DLGAP1: variants seen among roughly 807,000 people sequenced by gnomAD.
DLGAP1 encodes disks large-associated protein 1.
Under a neutral mutation model 90.8 loss-of-function variants are expected in DLGAP1, and 11 were observed. The ratio of observed to expected loss-of-function variants is 0.12; its 90% confidence interval spans 0.08 to 0.20. The LOEUF (loss-of-function observed/expected upper bound fraction) is 0.20. Among genes scored for constraint, DLGAP1 ranks in the 10% least tolerant of loss-of-function variants. The pLI, the probability that DLGAP1 is intolerant of heterozygous loss-of-function variation, is 1.00. For missense variants in DLGAP1, 1,050 were observed against 1,333.8 expected, an observed-to-expected ratio of 0.79 and a Z score of 3.31; for synonymous variants, 558 against 540.7, an observed-to-expected ratio of 1.03 and a Z score of -0.44.
intron 2 of DLGAP1, among the ~76,000 whole-genome samples, chr18:4,047,983 G>A (rs2075079659): frequency 6.6e-6 from 1 of 151,944 alleles, no homozygotes; most frequent in African/African-American, 2.4e-5. Flanking sequence ...ATTTTTTGTA[G>A]AGACGGGGTC....
intron 7 of DLGAP1, among the ~76,000 whole-genome samples, chr18:3,651,171 C>T (rs528976421): frequency 4.6e-5 from 7 of 151,638 alleles, no homozygotes; most frequent in African/African-American, 1.7e-4. Context: ...CCATCCTGGC[C>T]AACATGGTGA....
chr18:4,029,726 C>T (rs1463913592), intron 2 of DLGAP1, among the ~76,000 whole-genome samples: 1 of 152,162 alleles, frequency 6.6e-6, no homozygotes, highest in African/African-American at 2.4e-5. Flanking sequence ...ATATTGAATT[C>T]TTGGTCCTTG....
rs543711403 is a variant in DLGAP1, at chr18:3,646,358, G to A, written c.1592-64110C>T. The stretch of plus-strand genomic sequence containing the variant: ...CAGTGAGCTGAGATTGTATCACTGC[G>A]CTCTAGCCTGGGCAAGATCCTGTTT... On this transcript the variant is annotated intron_variant, in intron 7 of 12. Coordinates refer to ENST00000315677, the MANE Select transcript of DLGAP1 (RefSeq NM_004746.4). Among the ~76,000 whole-genome samples the A allele has an allele frequency of 6.6e-5, 10 of 152,066 alleles. No homozygotes were observed. In the South Asian group the frequency reaches 8.3e-4, roughly 13 times the overall value.
intron 7 of DLGAP1, among the ~76,000 whole-genome samples, chr18:3,601,985 G>A (rs962169108): frequency 2.0e-5 from 3 of 151,940 alleles, no homozygotes; most frequent in Non-Finnish European, 4.4e-5. Context: ...CTCCAGCCTG[G>A]GCTACAGTGC....
At chr18:4,219,027 G>GTTTTTTTTTTTT (rs34333673) in intron 1 of DLGAP1, among the ~76,000 whole-genome samples, 11 of 92,002 alleles carry the variant, frequency 1.2e-4, no homozygotes, top group Non-Finnish European at 1.7e-4. Context: ...TTCTATCTTT[G>GTTTTTTTTTTTT]TTTTTTTTTT....
chr18:3,503,119 G>A (rs908319465), intron 11 of DLGAP1, among the ~76,000 whole-genome samples: 1 of 152,104 alleles, frequency 6.6e-6, no homozygotes, highest in African/African-American at 2.4e-5. Context: ...AAACACAAAT[G>A]ATTAGTAATA....
intron 3 of DLGAP1, among the ~76,000 whole-genome samples, chr18:3,984,983 T>A (rs2149038074): frequency 6.6e-6 from 1 of 152,330 alleles, no homozygotes; most frequent in African/African-American, 2.4e-5. Flanking sequence ...AGCTATGTCT[T>A]ATTTCCACCC....
intron 1 of DLGAP1, among the ~76,000 whole-genome samples, chr18:4,170,346 G>A (rs1331128885): frequency 2.6e-5 from 4 of 152,132 alleles, no homozygotes; most frequent in Non-Finnish European, 5.9e-5. Context: ...AAGCTCAAGT[G>A]TTAGGTCGGA....
rs1599054045 is a variant in DLGAP1 at position 3,524,253 on chromosome 18, T to TGCAGACCTTG, written c.2479+9940_2479+9941insCAAGGTCTGC. Among the ~76,000 whole-genome samples the TGCAGACCTTG allele has an allele frequency of 4.0e-5, 6 of 151,890 alleles. No homozygotes were observed. The East Asian group carries it at 1.2e-3, about 29-fold the overall frequency. Reference sequence around the variant, plus strand: ...TCACACCACTGCACTCCAGCCTTGGTGACAAAGTGAGACCTTGTTTCAATT... The same window carrying TGCAGACCTTG: ...TCACACCACTGCACTCCAGCCTTGGTGCAGACCTTGGACAAAGTGAGACCTTGTTTCAATT... On this transcript the variant is annotated intron_variant, in intron 10 of 12. Transcript: ENST00000315677.
At chr18:4,195,429 C>A (rs2077479186) in intron 1 of DLGAP1, among the ~76,000 whole-genome samples, 1 of 152,244 alleles carries the variant, frequency 6.6e-6, no homozygotes, top group Non-Finnish European at 1.5e-5. Flanking sequence ...CTAGTCAGCC[C>A]CAATTGTCTT....
chr18:4,211,705 A>G (rs1260943714), intron 1 of DLGAP1, among the ~76,000 whole-genome samples: 3 of 152,204 alleles, frequency 2.0e-5, no homozygotes, highest in Non-Finnish European at 4.4e-5. Flanking sequence ...CCACAGAGAA[A>G]CAATGGTCAG....
intron 3 of DLGAP1, among the ~76,000 whole-genome samples, chr18:3,892,588 G>A (rs2071499513): frequency 1.3e-5 from 2 of 152,122 alleles, no homozygotes; most frequent in South Asian, 4.1e-4. Flanking sequence ...CGATCTAGTT[G>A]AGAAAATAAA....
intron 1 of DLGAP1, among the ~76,000 whole-genome samples, chr18:4,440,185 C>G (rs1005609112): frequency 2.1e-5 from 3 of 144,798 alleles, no homozygotes; most frequent in African/African-American, 7.7e-5. Context: ...AAGAAAGAAT[C>G]ATTTATGTCA....
intron 5 of DLGAP1, among the ~76,000 whole-genome samples, chr18:3,806,232 A>T (rs2066551796): frequency 1.3e-5 from 2 of 152,344 alleles, no homozygotes; most frequent in Middle Eastern, 6.8e-3. Context: ...AAACAAAAAC[A>T]AAAAGAAACA....
chr18:3,604,829 AT>A (rs1765319967), intron 7 of DLGAP1, among the ~76,000 whole-genome samples: 1 of 152,190 alleles, frequency 6.6e-6, no homozygotes, highest in Admixed American at 6.5e-5. Context: ...AAAATGCAAA[AT>A]GTTAGGTAGA....
intron 7 of DLGAP1, chr18:3,598,044 T>TA (rs886514533): frequency 3.9e-5 from 6 of 152,316 alleles, no homozygotes; most frequent in African/African-American, 1.4e-4. Flanking sequence ...ATAACAGGGT[T>TA]AGTGCTTAAA....
chr18:3,702,073 CAG>C (rs2061297659), intron 7 of DLGAP1, among the ~76,000 whole-genome samples: 1 of 152,150 alleles, frequency 6.6e-6, no homozygotes, highest in Non-Finnish European at 1.5e-5. Flanking sequence ...ACTTTTGAGA[CAG>C]AGTCTCATAC....
At chr18:3,538,726 A>G (rs1469902047) in intron 9 of DLGAP1, among the ~76,000 whole-genome samples, 2 of 152,256 alleles carry the variant, frequency 1.3e-5, no homozygotes. Flanking sequence ...GAGGCATTAC[A>G]TTTCCAAACT....
At chr18:4,285,430 A>C (rs1231220341) in intron 1 of DLGAP1, among the ~76,000 whole-genome samples, 1 of 152,204 alleles carries the variant, frequency 6.6e-6, no homozygotes, top group Non-Finnish European at 1.5e-5. Context: ...GAGTGCAAGG[A>C]AAAGAAAATT....
Sources: gnomAD v4.1 joint callset for allele counts (sites outside exome capture counted in the v4.1 genomes callset) on GRCh38, gnomAD v4.1.1 for gene constraint, MANE v1.5 for transcripts, NCBI Gene and HGNC (gene_info 2026-07-23, HGNC 2026-07-21) for gene names.